TTI2: variants seen among roughly 807,000 people sequenced by gnomAD.
The protein encoded by TTI2 is TELO2-interacting protein 2.
TTI2 carries 26 observed loss-of-function variants against 44.9 expected under a neutral mutation model. That is an observed-to-expected ratio of 0.58 (90% CI 0.42 to 0.80). The LOEUF (loss-of-function observed/expected upper bound fraction) is 0.80, where lower values mean the gene tolerates loss of function less well. Among genes scored for constraint, TTI2 ranks in the 30% least tolerant of loss-of-function variants. The probability of loss-of-function intolerance (pLI) is 0.00; values close to 1 mark genes in which losing one functional copy is unlikely to be tolerated. For missense variants in TTI2, 582 were observed against 611.6 expected, an observed-to-expected ratio of 0.95 and a Z score of 0.51; for synonymous variants, 254 against 250.9, an observed-to-expected ratio of 1.01 and a Z score of -0.12.
intron 6 of TTI2, among the ~76,000 whole-genome samples, chr8:33,502,787 T>G (rs1196679338): frequency 7.0e-6 from 1 of 143,162 alleles, no homozygotes; most frequent in African/African-American, 2.6e-5. Flanking sequence ...GATCGCGCCA[T>G]TGCACTCCGG....
Position 33,499,067 on chromosome 8 carries a change from C to A in TTI2, c.*106G>T. ...AAGGAAGGAAGGAAAAAGCAGCTTT[C>A]ACTTACAAAGTTTCGTGTAAAAATA... On this transcript the variant is annotated 3_prime_UTR_variant, in exon 8 of 8. Coordinates refer to ENST00000431156, the MANE Select transcript of TTI2 (RefSeq NM_001102401.4). 1 of 949,626 alleles carries A rather than the reference C, an allele frequency of 1.1e-6. No individual in the cohort carries two copies. The highest frequency in any genetic ancestry group is 1.7e-6 in the Non-Finnish European group (1 of 601,098). The allele number at this position is 949,626 out of a possible 1,614,324, so 58.8% of individuals were successfully genotyped here. A position where few individuals can be genotyped will look rare whatever the true frequency, so the allele number is the denominator to read the frequency against.
intron 2 of TTI2, 40 bp downstream of exon 2, chr8:33,511,927 T>C (rs766596179): frequency 1.2e-6 from 2 of 1,601,228 alleles, no homozygotes; most frequent in Non-Finnish European, 1.7e-6. Flanking sequence ...AATAAAAAAC[T>C]GTGAGGCTCA....
At chr8:33,510,209 G>C (rs1158851307) in intron 2 of TTI2, among the ~76,000 whole-genome samples, 1 of 152,126 alleles carries the variant, frequency 6.6e-6, no homozygotes, top group African/African-American at 2.4e-5. Flanking sequence ...AGGACTTATG[G>C]TGATGGATGG....
chr8:33,504,522 G>T, intron 4 of TTI2, among the ~76,000 whole-genome samples: 1 of 151,726 alleles, frequency 6.6e-6, no homozygotes, highest in Non-Finnish European at 1.5e-5. Context: ...TGATCCACTC[G>T]CCTTGGCTTC....
In TTI2 at chr8:33,512,710, G is replaced by T. The variant is rs927786120; in HGVS notation, c.-97C>A. The T allele has an allele frequency of 5.8e-6, 8 of 1,377,766 alleles. No homozygotes were observed. Among genetic ancestry groups the T allele is most frequent in the East Asian group, 4.6e-5 (2 of 43,414 alleles). 85.3% of individuals were successfully genotyped at this position (1,377,766 alleles called of 1,614,324 possible). A position where few individuals can be genotyped will look rare whatever the true frequency, so the allele number is the denominator to read the frequency against. ...GAGGGAAGGAGCGATCACCCAAAGA[G>T]AACTAAAATCAAATAAAATAAAACA... On this transcript the variant is annotated splice_region_variant and 5_prime_UTR_variant, in exon 2 of 8. Coordinates refer to ENST00000431156, the MANE Select transcript of TTI2 (RefSeq NM_001102401.4).
rs761905976 is a variant in TTI2, at chr8:33,512,071, T to C, written c.543A>G (p.Gln181=). Residue 181 remains glutamine, a synonymous_variant, in exon 2 of 8, where the codon CAA becomes CAG. Transcript: ENST00000431156. The part of the protein sequence containing the change: ...VAREVLTSLL[Q]VTECGSVAGF... The stretch of plus-strand genomic sequence containing the variant: ...CTGCCACAGAACCGCATTCAGTAAC[T>C]TGAAGCAGTGAGGTGAGCACCTCCC... 5 of 1,614,130 alleles carry C rather than the reference T, an allele frequency of 3.1e-6. No individual in the cohort carries two copies. Among genetic ancestry groups the C allele is most frequent in the South Asian group, 1.1e-5 (1 of 91,084 alleles).
intron 3 of TTI2, among the ~76,000 whole-genome samples, chr8:33,508,087 TAAAAAAAAAAAAAAA>T (rs58891946): frequency 4.1e-4 from 8 of 19,494 alleles, no homozygotes; most frequent in Admixed American, 2.0e-3. Flanking sequence ...CTAGCGGTAG[TAAAAAAAAAAAAAAA>T]AAAAAAAAAA....
chr8:33,499,716 T>G (rs1808994240), intron 7 of TTI2: 1 of 167,304 alleles, frequency 6.0e-6, no homozygotes, highest in South Asian at 1.5e-4. Flanking sequence ...TGGCATGAAT[T>G]TCTTTTCATG....
At position 33,511,867 on chromosome 8, in the gene TTI2, C is replaced by T. The variant is rs543474572; in HGVS notation, c.647+100G>A. On this transcript the variant is annotated intron_variant, in intron 2 of 7. Transcript: ENST00000431156. ...TCGCAACATTGCACTCCACCCTGGGCAACAAGAGTGAAACTCTGTCTCGAA... is the reference window on the plus strand; with the variant it reads ...TCGCAACATTGCACTCCACCCTGGGTAACAAGAGTGAAACTCTGTCTCGAA... The T allele has an allele frequency of 3.1e-5, 43 of 1,370,568 alleles. No homozygotes were observed. In the African/African-American group the frequency reaches 5.9e-4, roughly 19 times the overall value. 84.9% of individuals were successfully genotyped at this position (1,370,568 alleles called of 1,614,324 possible).
At chr8:33,509,434 T>A (rs1809432928) in intron 3 of TTI2, among the ~76,000 whole-genome samples, 1 of 122,214 alleles carries the variant, frequency 8.2e-6, no homozygotes, top group African/African-American at 3.3e-5. Context: ...CTAGCCTGGG[T>A]GATAGAGTGA....
chr8:33,511,190 C>T (rs1472044466), intron 2 of TTI2, among the ~76,000 whole-genome samples: 1 of 151,972 alleles, frequency 6.6e-6, no homozygotes, highest in Non-Finnish European at 1.5e-5. Flanking sequence ...TTACAGGCGT[C>T]CACCACCATG....
intron 2 of TTI2, 28 bp from the exon 3 acceptor site, chr8:33,509,960 G>A (rs769090771): frequency 1.2e-5 from 11 of 904,716 alleles, no homozygotes; most frequent in South Asian, 1.2e-4. Flanking sequence ...ATTACATTAA[G>A]TGACATGGTG....
intron 4 of TTI2, among the ~76,000 whole-genome samples, chr8:33,505,037 A>T (rs1384734225): frequency 1.3e-5 from 2 of 152,170 alleles, no homozygotes; most frequent in Admixed American, 1.3e-4. Context: ...AGGCTGGGCA[A>T]CATGGCAAAA....
At position 33,512,366 on chromosome 8, in the gene TTI2, C is replaced by T. The variant is rs780215079; in HGVS notation, c.248G>A (p.Gly83Glu). The T allele has an allele frequency of 4.3e-6, 7 of 1,614,200 alleles. No individual in the cohort carries two copies. Among genetic ancestry groups the T allele is most frequent in the Non-Finnish European group, 5.9e-6 (7 of 1,180,040 alleles). The change falls in exon 2 of 8, where the codon GGG becomes GAG. Residue 83 changes from glycine to glutamate, a missense_variant. Coordinates refer to ENST00000431156, the MANE Select transcript of TTI2 (RefSeq NM_001102401.4). ...CTTCTCCAGGGCTTTTGCTACCTGC[C>T]CCAGTGTCTCCGGCATTCCGCGGAG... ...ARLRGMPETL[G>E]QVAKALEKYA...
At position 33,498,934 on chromosome 8, in the gene TTI2, A is replaced by G; in HGVS notation, c.*239T>C. On this transcript the variant is annotated 3_prime_UTR_variant, in exon 8 of 8. Transcript: ENST00000431156. ...ACGGATGTAAATATTTCTAAATTTT[A>G]AATGCTACATTACTTGGTGTCCTTT... The G allele has an allele frequency of 1.7e-6, 1 of 580,382 alleles. No individual in the cohort carries two copies. Among genetic ancestry groups the G allele is most frequent in the South Asian group, 2.2e-5 (1 of 46,164 alleles). 36.0% of individuals were successfully genotyped at this position (580,382 alleles called of 1,614,324 possible).
intron 6 of TTI2, chr8:33,500,696 A>C (rs1809044169): frequency 3.7e-6 from 2 of 547,810 alleles, no homozygotes; most frequent in Non-Finnish European, 6.5e-6. Context: ...CTGCCTATAC[A>C]CACAGACACA....
intron 3 of TTI2, among the ~76,000 whole-genome samples, chr8:33,509,245 TC>T (rs1336835289): frequency 6.7e-6 from 1 of 149,398 alleles, no homozygotes; most frequent in Non-Finnish European, 1.5e-5. Flanking sequence ...GATCACAAGG[TC>T]AGGAGTTGAA....
intron 6 of TTI2, among the ~76,000 whole-genome samples, chr8:33,501,912 C>A (rs1240052444): frequency 6.6e-6 from 1 of 152,064 alleles, no homozygotes; most frequent in Non-Finnish European, 1.5e-5. Flanking sequence ...GCAAGTATAT[C>A]CTACATTAGT....
intron 3 of TTI2, among the ~76,000 whole-genome samples, chr8:33,508,430 T>C (rs574884348): frequency 6.6e-6 from 1 of 151,894 alleles, no homozygotes; most frequent in East Asian, 1.9e-4. Flanking sequence ...GGTGAGACCC[T>C]ACCTCTACAA....
Sources: gnomAD v4.1 joint callset for allele counts (sites outside exome capture counted in the v4.1 genomes callset) on GRCh38, gnomAD v4.1.1 for gene constraint, MANE v1.5 for transcripts, NCBI Gene and HGNC (gene_info 2026-07-23, HGNC 2026-07-21) for gene names.